Variants in USP4 observed in about 807,000 individuals in gnomAD.
The protein encoded by USP4 is ubiquitin carboxyl-terminal hydrolase 4.
A neutral mutation model predicts 118.2 loss-of-function variants in USP4; 72 were observed. The ratio of observed to expected loss-of-function variants is 0.61; its 90% confidence interval spans 0.50 to 0.74. The LOEUF (loss-of-function observed/expected upper bound fraction) is 0.74. USP4 is among the 30% of genes least tolerant of loss of function. USP4 has a pLI of 0.00. For synonymous variants in USP4, 415 were observed against 440.4 expected (o/e 0.94, Z 0.72); for missense variants, 1,037 against 1,185.7 (o/e 0.87, Z 1.84).
Position 49,278,664 on chromosome 3 carries a change from A to G in USP4, c.2733+150T>C, listed in dbSNP as rs138836946. 1,153 of 832,308 alleles carry G rather than the reference A, an allele frequency of 1.4e-3. 8 individuals carry two copies. The African/African-American group carries it at 0.017, about 12-fold the overall frequency. 51.6% of individuals were successfully genotyped at this position (832,308 alleles called of 1,614,324 possible). Reference sequence around the variant, plus strand: ...GGAGAGCTGAGCTTCTCATTTATGAAGGTCCCTGAAGGAATGCCAGCCAGC... The same window carrying G: ...GGAGAGCTGAGCTTCTCATTTATGAGGGTCCCTGAAGGAATGCCAGCCAGC... On this transcript the variant is annotated intron_variant, in intron 21 of 21. Transcript: ENST00000265560.
chr3:49,283,047 C>T (rs575134693), intron 19 of USP4, among the ~76,000 whole-genome samples: 11 of 103,588 alleles, frequency 1.1e-4, no homozygotes, highest in Middle Eastern at 0.011. Flanking sequence ...GATAGAGTCT[C>T]GCTCTGTCAC....
At chr3:49,322,075 C>G (rs1040449673) in intron 6 of USP4, among the ~76,000 whole-genome samples, 1 of 152,116 alleles carries the variant, frequency 6.6e-6, no homozygotes, top group African/African-American at 2.4e-5. Flanking sequence ...TAACCACTAC[C>G]CTGACCAAGA....
intron 11 of USP4, among the ~76,000 whole-genome samples, chr3:49,299,446 G>A (rs557982262): frequency 6.7e-6 from 1 of 149,116 alleles, no homozygotes; most frequent in South Asian, 2.1e-4. Context: ...AGGCTGGAGT[G>A]CAGTGGCGCA....
chr3:49,293,067 C>G (rs969250639), intron 14 of USP4, among the ~76,000 whole-genome samples: 1 of 151,902 alleles, frequency 6.6e-6, no homozygotes, highest in Non-Finnish European at 1.5e-5. Context: ...CACAGTGGCT[C>G]AATATTTTAA....
At chr3:49,296,100 G>A (rs961957891) in intron 13 of USP4, among the ~76,000 whole-genome samples, 3 of 151,926 alleles carry the variant, frequency 2.0e-5, no homozygotes, top group African/African-American at 7.3e-5. Context: ...GGGAGGCCGA[G>A]GGGGACGGAT....
chr3:49,292,321 G>C (rs2047159769), intron 15 of USP4, among the ~76,000 whole-genome samples, 189 bp downstream of exon 15: 2 of 151,132 alleles, frequency 1.3e-5, no homozygotes, highest in Non-Finnish European at 1.5e-5. Flanking sequence ...GATTCCACAA[G>C]GTAGCAAAGT....
At chr3:49,304,520 C>T (rs2047292669) in intron 9 of USP4, among the ~76,000 whole-genome samples, 2 of 152,152 alleles carry the variant, frequency 1.3e-5, no homozygotes. Context: ...GGTCCCAACT[C>T]AAACCACGAA....
In USP4 at chr3:49,278,997, A is replaced by G. The variant is rs1339503561; in HGVS notation, c.2645-95T>C. ...CACTAAATAAACACAAAAATCCCCA[A>G]AACAAAACCCCTGAAATTAAAAAAG... On this transcript the variant is annotated intron_variant, in intron 20 of 21. Coordinates refer to ENST00000265560, the MANE Select transcript of USP4 (RefSeq NM_003363.4). 8.2e-6 allele frequency: 6 copies of G among 729,470 alleles called. No individual in the cohort carries two copies. The African/African-American group carries it at 1.1e-4, about 13-fold the overall frequency. 45.2% of individuals were successfully genotyped at this position (729,470 alleles called of 1,614,324 possible).
rs149837279 is a variant in USP4 at position 49,311,516 on chromosome 3, C to T, written c.834G>A (p.Arg278=). ...TCGMHSSGVS[R]GGSGFSASYN... is the part of the protein sequence containing the mutation. ...AGAGTGAAAGGACCTGCTCTTACCC[C>T]CTGCTGACACCGGAACTGTGCATCC... The change falls in exon 7 of 22, where the codon AGG becomes AGA. Residue 278 remains arginine, a splice_region_variant and synonymous_variant. Transcript: ENST00000265560. The T allele has an allele frequency of 5.0e-6, 8 of 1,613,258 alleles. No individual in the cohort carries two copies. Among genetic ancestry groups the T allele is most frequent in the Non-Finnish European group, 6.8e-6 (8 of 1,179,570 alleles).
intron 2 of USP4, among the ~76,000 whole-genome samples, chr3:49,335,218 A>G (rs1199020963): frequency 3.3e-5 from 5 of 152,184 alleles, no homozygotes; most frequent in African/African-American, 1.2e-4. Context: ...TAGCTAGCAG[A>G]ACTAATTTGC....
chr3:49,298,116 G>C (rs1003368493), intron 12 of USP4, 152 bp from the exon 13 acceptor site: 9 of 621,578 alleles, frequency 1.4e-5, no homozygotes, highest in African/African-American at 3.7e-5. Context: ...AGAGCTGAGG[G>C]CCAAGGCCCA....
intron 6 of USP4, chr3:49,318,180 G>T: frequency 6.8e-6 from 2 of 293,224 alleles, no homozygotes; most frequent in Non-Finnish European, 1.0e-5. Flanking sequence ...TGTTGCCTAG[G>T]ATGGTCTCAA....
At chr3:49,304,677 C>T (rs1215999175) in intron 9 of USP4, among the ~76,000 whole-genome samples, 1 of 152,116 alleles carries the variant, frequency 6.6e-6, no homozygotes, top group Non-Finnish European at 1.5e-5. Context: ...CAGCCTTGAC[C>T]TCCCAGGCTT....
intron 6 of USP4, chr3:49,317,415 G>A (rs1377136328): frequency 1.0e-6 from 1 of 980,534 alleles, no homozygotes; most frequent in Admixed American, 2.0e-5. Context: ...CTATGCATTT[G>A]ACCAGCTTGT....
chr3:49,339,938 T>C lies in USP4; in HGVS notation c.87A>G (p.Gln29=). ...CGGGAGCTCACCACTGCGCCCCGCG[T>C]TGGAGTGTGGTCCTCATTAAGGGTC... ...ELGPLMRTTL[Q]RGAQWYLIDS... is the part of the protein sequence containing the mutation. The change falls in exon 1 of 22, where the codon CAA becomes CAG. Residue 29 remains glutamine, a synonymous_variant. Transcript: ENST00000265560. The C allele has an allele frequency of 1.2e-6, 2 of 1,613,206 alleles. No individual in the cohort carries two copies. Among genetic ancestry groups the C allele is most frequent in the Non-Finnish European group, 1.7e-6 (2 of 1,179,798 alleles).
intron 9 of USP4, among the ~76,000 whole-genome samples, chr3:49,303,088 C>T (rs543506478): frequency 6.6e-6 from 1 of 152,218 alleles, no homozygotes; most frequent in African/African-American, 2.4e-5. Context: ...ATCAGAAACT[C>T]TGGGGATGGG....
At chr3:49,316,943 G>A in intron 6 of USP4, 2 of 625,028 alleles carry the variant, frequency 3.2e-6, no homozygotes, top group Non-Finnish European at 5.7e-6. Context: ...ACTGATGCCA[G>A]TGGAGGTTGG....
At chr3:49,302,614 CA>C in intron 9 of USP4, 72 bp from the exon 10 acceptor site, 1 of 1,485,342 alleles carries the variant, frequency 6.7e-7, no homozygotes, top group Non-Finnish European at 9.1e-7. Context: ...GAATTGCCAT[CA>C]AAAATAGCTC....
chr3:49,282,746 T>G (rs1355885536), intron 19 of USP4, among the ~76,000 whole-genome samples: 1 of 151,340 alleles, frequency 6.6e-6, no homozygotes, highest in East Asian at 2.0e-4. Flanking sequence ...CTTGCTCTGT[T>G]GCTGAGGCTG....
Sources: allele counts gnomAD v4.1 joint callset (sites outside exome capture counted in the v4.1 genomes callset), GRCh38; gene constraint gnomAD v4.1.1; transcripts MANE v1.5; gene names NCBI Gene and HGNC (gene_info 2026-07-23, HGNC 2026-07-21).